The following STK32B variants were observed in gnomAD, a reference collection of about 807,000 sequenced individuals.
The protein encoded by STK32B is serine/threonine-protein kinase 32B.
STK32B carries 43 observed loss-of-function variants against 52.6 expected under a neutral mutation model. The ratio of observed to expected loss-of-function variants is 0.82; its 90% confidence interval spans 0.64 to 1.05. STK32B has a LOEUF of 1.05. Among genes scored for constraint, STK32B ranks in the 50% least tolerant of loss-of-function variants. The probability of loss-of-function intolerance (pLI) is 0.00; values close to 1 mark genes in which losing one functional copy is unlikely to be tolerated. For synonymous variants in STK32B, 238 were observed against 204.3 expected (o/e 1.17, Z -1.41); for missense variants, 621 against 534.6 (o/e 1.16, Z -1.59).
chr4:5,129,478 G>A (rs1477717287), intron 1 of STK32B, among the ~76,000 whole-genome samples: 2 of 152,210 alleles, frequency 1.3e-5, no homozygotes, highest in Non-Finnish European at 2.9e-5. Context: ...TTTGTTGAAT[G>A]AATAAACTAT....
At chr4:5,117,668 GCT>G (rs1714813877) in intron 1 of STK32B, among the ~76,000 whole-genome samples, 1 of 151,792 alleles carries the variant, frequency 6.6e-6, no homozygotes, top group Admixed American at 6.6e-5. Context: ...TGTCATGTTT[GCT>G]CCAAATATTT....
chr4:5,441,779 G>C (rs1714790148), intron 6 of STK32B, among the ~76,000 whole-genome samples: 2 of 144,676 alleles, frequency 1.4e-5, no homozygotes, highest in Non-Finnish European at 3.0e-5. Context: ...CTTTGAATGT[G>C]TCCCAGAGAT....
At chr4:5,420,423 C>G (rs908459603) in intron 6 of STK32B, among the ~76,000 whole-genome samples, 1 of 152,144 alleles carries the variant, frequency 6.6e-6, no homozygotes, top group African/African-American at 2.4e-5. Context: ...GAGAGATCAA[C>G]TGGGCGAGAT....
At chr4:5,361,968 A>T (rs1467484970) in intron 4 of STK32B, among the ~76,000 whole-genome samples, 1 of 152,250 alleles carries the variant, frequency 6.6e-6, no homozygotes, top group Non-Finnish European at 1.5e-5. Context: ...TTTCATATTC[A>T]TACTAATTGA....
At chr4:5,049,220 G>T (rs369940287), upstream of STK32B, among the ~76,000 whole-genome samples, 1 of 149,978 alleles carries the variant, frequency 6.7e-6, no homozygotes, top group African/African-American at 2.5e-5. Flanking sequence ...TTTTTGAGAC[G>T]GAGTCTCACT....
chr4:5,284,842 A>G (rs1258223559), intron 3 of STK32B, among the ~76,000 whole-genome samples: 2 of 152,194 alleles, frequency 1.3e-5, no homozygotes, highest in African/African-American at 4.8e-5. Flanking sequence ...CATCATGTTT[A>G]GTGCAATACT....
intron 3 of STK32B, among the ~76,000 whole-genome samples, chr4:5,244,441 A>T (rs1037812434): frequency 1.3e-5 from 2 of 152,076 alleles, no homozygotes; most frequent in East Asian, 3.9e-4. Flanking sequence ...GTCATTTTTT[A>T]TTGCATCTAT....
chr4:5,413,953 C>G (rs1227657819), intron 5 of STK32B, among the ~76,000 whole-genome samples: 3 of 152,228 alleles, frequency 2.0e-5, no homozygotes, highest in Non-Finnish European at 4.4e-5. Flanking sequence ...TTGGTCCCAG[C>G]AATCCCACTT....
At chr4:5,352,088 A>C (rs549091854) in intron 4 of STK32B, among the ~76,000 whole-genome samples, 2 of 152,158 alleles carry the variant, frequency 1.3e-5, no homozygotes, top group South Asian at 4.1e-4. Flanking sequence ...TCTCCCTAAC[A>C]TATTCTATGA....
chr4:5,176,210 TTGTC>T (rs1028550298), intron 3 of STK32B, among the ~76,000 whole-genome samples: 6 of 152,282 alleles, frequency 3.9e-5, no homozygotes, highest in African/African-American at 1.4e-4. Context: ...ACCCCTTTCT[TTGTC>T]TGGGAAAGGG....
intron 4 of STK32B, among the ~76,000 whole-genome samples, chr4:5,384,775 C>T (rs1326713794): frequency 6.6e-6 from 1 of 151,894 alleles, no homozygotes; most frequent in Non-Finnish European, 1.5e-5. Context: ...TGTGGGTGCC[C>T]GTGGGACTGA....
chr4:5,426,216 C>A (rs544176183), intron 6 of STK32B, among the ~76,000 whole-genome samples: 3 of 152,078 alleles, frequency 2.0e-5, no homozygotes, highest in African/African-American at 7.2e-5. Context: ...ATGAGAGACC[C>A]GGTTGTTCTG....
At chr4:5,146,163 T>C (rs951605644) in intron 2 of STK32B, among the ~76,000 whole-genome samples, 9 of 151,928 alleles carry the variant, frequency 5.9e-5, no homozygotes, top group African/African-American at 2.2e-4. Flanking sequence ...GATATATGTA[T>C]ATATGAAGGG....
At chr4:5,429,247 G>C (rs10017476) in intron 6 of STK32B, among the ~76,000 whole-genome samples, 10 of 118,612 alleles carry the variant, frequency 8.4e-5, no homozygotes, top group African/African-American at 2.6e-4. Context: ...CAGTCTAACA[G>C]TATCTGTCTT....
At chr4:5,430,859 T>G (rs955656731) in intron 6 of STK32B, among the ~76,000 whole-genome samples, 6 of 152,202 alleles carry the variant, frequency 3.9e-5, no homozygotes, top group Non-Finnish European at 7.3e-5. Flanking sequence ...CACCTTTGAC[T>G]TAGGGTTTCT....
intron 9 of STK32B, among the ~76,000 whole-genome samples, chr4:5,463,573 C>T (rs1717203014): frequency 6.6e-6 from 1 of 152,026 alleles, no homozygotes; most frequent in Non-Finnish European, 1.5e-5. Flanking sequence ...CATACCTACT[C>T]ATCCTACACA....
chr4:5,154,966 C>A lies in STK32B; in HGVS notation c.109-13333C>A, dbSNP rs139088178. On this transcript the variant is annotated intron_variant, in intron 2 of 11. Coordinates refer to ENST00000282908, the MANE Select transcript of STK32B (RefSeq NM_018401.3). Reference sequence around the variant, plus strand: ...TATGTGCCAGTCCCTCCATGCCAGGCCACAAGGTCATGCAGTCTGGCCTGT... The same window carrying A: ...TATGTGCCAGTCCCTCCATGCCAGGACACAAGGTCATGCAGTCTGGCCTGT... Among the ~76,000 whole-genome samples the A allele has an allele frequency of 5.9e-3, 892 of 152,252 alleles. 16 individuals carry two copies. The highest frequency in any genetic ancestry group is 0.02 in the African/African-American group (813 of 41,584).
chr4:5,034,636 G>T, the STK32B span, among the ~76,000 whole-genome samples: 8 of 152,192 alleles, frequency 5.3e-5, no homozygotes, highest in African/African-American at 1.7e-4. Flanking sequence ...AACTTTGCCT[G>T]TTGGGTACAT....
intron 2 of STK32B, among the ~76,000 whole-genome samples, chr4:5,154,252 G>C (rs1269704797): frequency 7.9e-6 from 1 of 125,816 alleles, no homozygotes; most frequent in African/African-American, 3.2e-5. Context: ...TTTCGCTCTT[G>C]TTGCCCAGGC....
Sources: allele counts gnomAD v4.1 joint callset (sites outside exome capture counted in the v4.1 genomes callset), GRCh38; gene constraint gnomAD v4.1.1; transcripts MANE v1.5; gene names NCBI Gene and HGNC (gene_info 2026-07-23, HGNC 2026-07-21).